ARHGAP17: variants seen among roughly 807,000 people sequenced by gnomAD.
The protein encoded by ARHGAP17 is Rho GTPase activating protein 17.
In ARHGAP17, 57 loss-of-function variants were observed where a neutral mutation model predicts 99.5. That is an observed-to-expected ratio of 0.57 (90% CI 0.46 to 0.71). The LOEUF is 0.71. ARHGAP17 is among the 30% of genes least tolerant of loss of function. The pLI, the probability that ARHGAP17 is intolerant of heterozygous loss-of-function variation, is 0.00. For synonymous variants in ARHGAP17, 417 were observed against 429.6 expected (o/e 0.97, Z 0.36); for missense variants, 1,000 against 1,122.4 (o/e 0.89, Z 1.56).
chr16:24,946,026 A>G (rs2051460999), intron 14 of ARHGAP17, among the ~76,000 whole-genome samples: 1 of 152,182 alleles, frequency 6.6e-6, no homozygotes, highest in South Asian at 2.1e-4. Context: ...TATGTCCTCT[A>G]TTCAAAAGGT....
intron 1 of ARHGAP17, chr16:25,014,017 T>C (rs1374364531): frequency 6.6e-6 from 1 of 151,910 alleles, no homozygotes. Context: ...ACCCTGAAAA[T>C]AAGAGTTAAT....
At chr16:24,962,903 G>C (rs1437366583) in intron 7 of ARHGAP17, among the ~76,000 whole-genome samples, 1 of 152,210 alleles carries the variant, frequency 6.6e-6, no homozygotes, top group Non-Finnish European at 1.5e-5. Context: ...CATAGCTAAA[G>C]AGAGAATCAG....
intron 1 of ARHGAP17, among the ~76,000 whole-genome samples, chr16:25,000,635 C>T (rs558748572): frequency 6.6e-6 from 1 of 152,276 alleles, no homozygotes; most frequent in East Asian, 1.9e-4. Context: ...TAAAGACTGC[C>T]CTGAGATTCA....
chr16:24,930,872 C>A lies in ARHGAP17; in HGVS notation c.2427G>T (p.Val809=), dbSNP rs1373290150. The change falls in exon 19 of 20, where the codon GTG becomes GTT. Residue 809 remains valine, a synonymous_variant. Coordinates refer to ENST00000289968, the MANE Select transcript of ARHGAP17 (RefSeq NM_001006634.3). Reference sequence around the variant, plus strand: ...CACCAGGAGGTTGGGGGGGTGGGGGCACGCTGGGCCGGTTCCTTGGCTTTG... The same window carrying A: ...CACCAGGAGGTTGGGGGGGTGGGGGAACGCTGGGCCGGTTCCTTGGCTTTG... ...PVPKPRNRPS[V]PPPPQPPGVH... 1.2e-6 allele frequency: 2 copies of A among 1,613,596 alleles called. No homozygotes were observed. The highest frequency in any genetic ancestry group is 1.7e-6 in the Non-Finnish European group (2 of 1,179,918).
At chr16:24,990,432 G>A (rs1362874057) in intron 1 of ARHGAP17, among the ~76,000 whole-genome samples, 1 of 151,954 alleles carries the variant, frequency 6.6e-6, no homozygotes, top group East Asian at 1.9e-4. Flanking sequence ...ACTTCAGTGA[G>A]CCACGATCGT....
Position 24,943,792 on chromosome 16 carries a change from C to A in ARHGAP17, c.1312G>T (p.Ala438Ser). The change falls in exon 15 of 20, where the codon GCC becomes TCC. Residue 438 changes from alanine to serine, a missense_variant. Around this residue, in one of 2 missense-constraint regions of ARHGAP17, gnomAD observed 472 missense variants for 611.1 expected, o/e 0.77. Transcript: ENST00000289968. The stretch of plus-strand genomic sequence containing the variant: ...TTACCTTCAGGGAAGAACCAGTCGG[C>A]ATGCTGAATGATGGGTTCAATCACT... ...VAVIEPIIQH[A>S]DWFFPEEVEF... The A allele has an allele frequency of 1.9e-6, 3 of 1,614,126 alleles. No individual in the cohort carries two copies. The highest frequency in any genetic ancestry group is 2.5e-6 in the Non-Finnish European group (3 of 1,179,988).
chr16:24,956,571 G>C (rs2051815283), intron 9 of ARHGAP17: 1 of 152,264 alleles, frequency 6.6e-6, no homozygotes. Flanking sequence ...GGTTGCAAAT[G>C]CAATTGTCCA....
intron 9 of ARHGAP17, 158 bp from the exon 10 acceptor site, chr16:24,954,888 T>C: frequency 9.3e-7 from 1 of 1,077,684 alleles, no homozygotes; most frequent in Non-Finnish European, 1.3e-6. Context: ...ATTTGCCATC[T>C]ACTGGAGCAG....
chr16:24,936,837 G>C (rs543321612), intron 17 of ARHGAP17: 16 of 152,176 alleles, frequency 1.1e-4, no homozygotes, highest in African/African-American at 3.1e-4. Flanking sequence ...TATGTAAATT[G>C]GCTGGGCATG....
intron 12 of ARHGAP17, among the ~76,000 whole-genome samples, chr16:24,951,399 A>G (rs138983760): frequency 5.2e-4 from 79 of 152,360 alleles, no homozygotes; most frequent in African/African-American, 1.9e-3. Context: ...AAAGATGAGC[A>G]CAGTACTTAG....
intron 3 of ARHGAP17, among the ~76,000 whole-genome samples, chr16:24,974,952 G>A (rs1438581474): frequency 2.6e-5 from 4 of 152,086 alleles, no homozygotes; most frequent in African/African-American, 9.7e-5. Context: ...TTCAAGACCA[G>A]CCTGGGCAAC....
At chr16:24,942,206 G>A (rs72770489) in intron 15 of ARHGAP17, 63 bp from the exon 16 acceptor site, 95,636 of 1,506,812 alleles carry the variant, frequency 0.063, 3,419 homozygotes, top group Middle Eastern at 0.11. Context: ...GGAGCTCTAA[G>A]ACACCCCTCA....
intron 3 of ARHGAP17, among the ~76,000 whole-genome samples, chr16:24,974,990 AAAAC>A (rs1457039668): frequency 1.3e-5 from 2 of 152,038 alleles, no homozygotes; most frequent in Non-Finnish European, 2.9e-5. Context: ...TACTACGAAA[AAAAC>A]AAACAAACAA....
chr16:24,925,170 T>A (rs898527248), intron 19 of ARHGAP17, among the ~76,000 whole-genome samples: 3 of 151,952 alleles, frequency 2.0e-5, no homozygotes, highest in African/African-American at 7.3e-5. Context: ...CTTGAAGTCA[T>A]GAGTTGGAGA....
rs2053742972 is a variant in ARHGAP17 at position 25,014,931 on chromosome 16, G to A, written c.53+278C>T. On this transcript the variant is annotated intron_variant, in intron 1 of 19. Transcript: ENST00000289968. ...CCGAGGGCGATGCTCCCGGGGCAGG[G>A]ACAATGGGCAGGGGACCCCGCGGTG... 3.3e-5 allele frequency among the ~76,000 whole-genome samples: 5 copies of A among 152,282 alleles called. 1 individual carries two copies. The South Asian group carries it at 8.3e-4, about 25-fold the overall frequency.
intron 15 of ARHGAP17, among the ~76,000 whole-genome samples, chr16:24,943,500 C>T (rs1045798937): frequency 1.3e-5 from 2 of 152,264 alleles, no homozygotes; most frequent in Non-Finnish European, 2.9e-5. Flanking sequence ...CCAGGTAAGA[C>T]GGCATGTTTC....
rs1325708462 is a variant in ARHGAP17 at position 24,954,694 on chromosome 16, A to G, written c.761T>C (p.Leu254Pro). The change falls in exon 10 of 20, where the codon CTA becomes CCA. Residue 254 changes from leucine to proline, a missense_variant. Leu to Pro is a moderately conservative substitution (Grantham distance 98, BLOSUM62 -3). This residue lies in a region of ARHGAP17 where 472 missense variants were observed against 611.1 expected (regional missense o/e 0.77). Coordinates refer to ENST00000289968, the MANE Select transcript of ARHGAP17 (RefSeq NM_001006634.3). Reference protein sequence around the residue: ...WAEKPAFGTPLEEHLKRSGRE... With the variant: ...WAEKPAFGTPPEEHLKRSGRE... ...CCCGCTCCTCTTCAGGTGTTCTTCT[A>G]GGGGAGTCCCAAAGGCTGGTTTTTC... is the stretch of plus-strand genomic sequence containing the variant. 1 of 1,614,066 alleles carries G rather than the reference A, an allele frequency of 6.2e-7. No individual in the cohort carries two copies. Among genetic ancestry groups the G allele is most frequent in the Non-Finnish European group, 8.5e-7 (1 of 1,179,974 alleles).
intron 3 of ARHGAP17, among the ~76,000 whole-genome samples, chr16:24,976,774 G>T (rs926903934): frequency 3.3e-5 from 5 of 152,172 alleles, no homozygotes; most frequent in Non-Finnish European, 7.4e-5. Context: ...GGGCACAGGA[G>T]AGAGAAGGAA....
At chr16:24,985,014 T>C (rs893262781) in intron 1 of ARHGAP17, among the ~76,000 whole-genome samples, 2 of 152,176 alleles carry the variant, frequency 1.3e-5, no homozygotes, top group African/African-American at 4.8e-5. Flanking sequence ...ATTTGTTATA[T>C]ATCCTTCCCA....
Sources: allele counts gnomAD v4.1 joint callset (sites outside exome capture counted in the v4.1 genomes callset), GRCh38; gene constraint gnomAD v4.1.1; regional missense constraint gnomAD v4.1.1; transcripts MANE v1.5; gene names NCBI Gene and HGNC (gene_info 2026-07-23, HGNC 2026-07-21).